CLUL1: variants seen among roughly 807,000 people sequenced by gnomAD.
CLUL1 encodes clusterin-like protein 1.
A neutral mutation model predicts 49.4 loss-of-function variants in CLUL1; 43 were observed. The observed-to-expected ratio is 0.87, with a 90% CI of 0.68 to 1.12. The LOEUF is 1.12. Among genes scored for constraint, CLUL1 ranks in the 50% most tolerant of loss-of-function variants. The pLI is 0.00. For missense variants in CLUL1, 486 were observed against 544.4 expected, an observed-to-expected ratio of 0.89 and a Z score of 1.07; for synonymous variants, 192 against 184.9, an observed-to-expected ratio of 1.04 and a Z score of -0.31.
chr18:626,863 ATAAG>A (rs2073735200), intron 5 of CLUL1, among the ~76,000 whole-genome samples: 1 of 94,016 alleles, frequency 1.1e-5, no homozygotes, highest in Non-Finnish European at 2.3e-5. Flanking sequence ...TCCATCTCAA[ATAAG>A]AAAGAAAGAA....
At chr18:597,559 T>G (rs2072686831) in intron 1 of CLUL1, 1 of 152,102 alleles carries the variant, frequency 6.6e-6, no homozygotes, top group Non-Finnish European at 1.5e-5. Flanking sequence ...AACACAAAAA[T>G]TAGTCGATTG....
chr18:597,337 T>C (rs947262000), intron 1 of CLUL1, among the ~76,000 whole-genome samples: 4 of 152,122 alleles, frequency 2.6e-5, no homozygotes, highest in African/African-American at 9.7e-5. Flanking sequence ...ACTCAGGCAA[T>C]CTCCTGGGCT....
At position 606,613 on chromosome 18, in the gene CLUL1, C is replaced by T. The variant is rs1447442552; in HGVS notation, c.-135-365C>T. On this transcript the variant is annotated intron_variant, in intron 1 of 9. Coordinates refer to ENST00000692774, the MANE Select transcript of CLUL1 (RefSeq NM_001393344.1). The surrounding 1 kb of genome is among the most constrained non-coding windows in gnomAD (Gnocchi z 4.1). ...CTTCCCAGTAATCAAGCCTGGCTTT[C>T]TCACCCAGGGCTCGCCCCAGAACAA... 1.2e-4 allele frequency among the ~76,000 whole-genome samples: 18 copies of T among 152,162 alleles called. No individual in the cohort carries two copies. Among genetic ancestry groups the T allele is most frequent in the Non-Finnish European group, 1.5e-5 (1 of 68,028 alleles).
In CLUL1 at chr18:607,080, A is replaced by G. The variant is rs1439059882; in HGVS notation, c.-33A>G. ...CAAGTGACCCTCCTACCTCAGCCCCATGAGGACCTGGGACTACAGGTATGC... is the reference window on the plus strand; with the variant it reads ...CAAGTGACCCTCCTACCTCAGCCCCGTGAGGACCTGGGACTACAGGTATGC... On this transcript the variant is annotated 5_prime_UTR_variant, in exon 2 of 10. An upstream start codon of the reference 5' UTR is lost. Transcript: ENST00000692774. 2 of 701,846 alleles carry G rather than the reference A, an allele frequency of 2.8e-6. No individual in the cohort carries two copies. The highest frequency in any genetic ancestry group is 2.0e-5 in the Admixed American group (1 of 49,962). 43.5% of individuals were successfully genotyped at this position (701,846 alleles called of 1,614,324 possible).
chr18:639,305 C>T (rs1333907298), intron 7 of CLUL1, among the ~76,000 whole-genome samples: 1 of 151,504 alleles, frequency 6.6e-6, no homozygotes, highest in Admixed American at 6.6e-5. Context: ...GTGGCGCGTG[C>T]CTGTAATCCC....
rs928869651 is a variant in CLUL1, at chr18:606,795, G to T, written c.-135-183G>T. Among the ~76,000 whole-genome samples, 6 of 152,132 alleles carry T rather than the reference G, an allele frequency of 3.9e-5. No individual in the cohort carries two copies. Among genetic ancestry groups the T allele is most frequent in the Admixed American group, 3.3e-4 (5 of 15,278 alleles). ...ACAAACAAAAATAAACGTGAGATAT[G>T]ATTCTCCCGGAGTGTTTAGAGCAGG... On this transcript the variant is annotated intron_variant, in intron 1 of 9. Coordinates refer to ENST00000692774, the MANE Select transcript of CLUL1 (RefSeq NM_001393344.1). The surrounding 1 kb of genome is among the most constrained non-coding windows in gnomAD (Gnocchi z 4.1).
chr18:616,317 G>A (rs480759), intron 2 of CLUL1, among the ~76,000 whole-genome samples: 143,552 of 152,282 alleles, frequency 0.94, 68,237 homozygotes, highest in East Asian at 1. Context: ...AACAAACAAA[G>A]ATGCCACATG....
chr18:620,266 C>T (rs2073450367), intron 4 of CLUL1, among the ~76,000 whole-genome samples: 1 of 152,152 alleles, frequency 6.6e-6, no homozygotes, highest in Admixed American at 6.5e-5. Context: ...TTTCCCTTGT[C>T]ACTTGGCCAA....
In CLUL1 at chr18:627,221, T is replaced by G. The variant is rs762278292; in HGVS notation, c.548T>G (p.Val183Gly). ...GCACAATTGACCCAAATGGAGGATGTGTTCAGCCAGTTGACTGTGGATGTG... is the reference window on the plus strand; with the variant it reads ...GCACAATTGACCCAAATGGAGGATGGGTTCAGCCAGTTGACTGTGGATGTG... ...EDAQLTQMEDVFSQLTVDVNS... is the reference protein window; with the variant it reads ...EDAQLTQMEDGFSQLTVDVNS... Residue 183 changes from valine to glycine, a missense_variant, in exon 6 of 10, where the codon GTG (valine) becomes GGG (glycine). By Grantham distance (109) the Val-to-Gly change is moderately radical. Transcript: ENST00000692774. 2 of 1,614,004 alleles carry G rather than the reference T, an allele frequency of 1.2e-6. No homozygotes were observed. The highest frequency in any genetic ancestry group is 3.3e-5 in the Admixed American group (2 of 59,992).
intron 9 of CLUL1, among the ~76,000 whole-genome samples, chr18:645,572 G>T (rs2074448796): frequency 6.6e-6 from 1 of 151,246 alleles, no homozygotes. Flanking sequence ...GAGGCGGGCG[G>T]ATCACGAGGT....
In CLUL1 at chr18:644,842, G is replaced by T. The variant is rs532294181; in HGVS notation, c.1210-68G>T. 37 of 1,223,848 alleles carry T rather than the reference G, an allele frequency of 3.0e-5. No individual in the cohort carries two copies. The South Asian group carries it at 4.8e-4, about 16-fold the overall frequency. The allele number at this position is 1,223,848 out of a possible 1,614,324, so 75.8% of individuals were successfully genotyped here. A position where few individuals can be genotyped will look rare whatever the true frequency, so the allele number is the denominator to read the frequency against. On this transcript the variant is annotated intron_variant, in intron 8 of 9. Transcript: ENST00000692774. ...AACCCAGCCTATCCTGACTAAGGTG[G>T]TATTAAATTACTATTGAATGTGTAT...
At chr18:636,240 C>A (rs2074132403) in intron 7 of CLUL1, among the ~76,000 whole-genome samples, 2 of 152,070 alleles carry the variant, frequency 1.3e-5, no homozygotes, top group African/African-American at 4.8e-5. Context: ...ATGTCACAAC[C>A]CATCATAAGT....
In CLUL1 at chr18:627,161, A is replaced by C; in HGVS notation, c.488A>C (p.Asp163Ala). 2 of 1,613,242 alleles carry C rather than the reference A, an allele frequency of 1.2e-6. No homozygotes were observed. The highest frequency in any genetic ancestry group is 1.7e-6 in the Non-Finnish European group (2 of 1,179,476). ...CCTTTCCATGAAGATAATGAAAAAGATCTCCCCATCAGTGAAAAGCTCATT... is the reference window on the plus strand; with the variant it reads ...CCTTTCCATGAAGATAATGAAAAAGCTCTCCCCATCAGTGAAAAGCTCATT... ...LFPFHEDNEK[D>A]LPISEKLIEE... is the part of the protein sequence containing the mutation. The change falls in exon 6 of 10, where the codon GAT becomes GCT. Residue 163 changes from aspartate (D) to alanine (A), a missense_variant. Asp to Ala is a moderately radical substitution (Grantham distance 126). Coordinates refer to ENST00000692774, the MANE Select transcript of CLUL1 (RefSeq NM_001393344.1).
chr18:615,499 G>A (rs530155942), intron 2 of CLUL1, among the ~76,000 whole-genome samples: 22 of 152,290 alleles, frequency 1.4e-4, no homozygotes, highest in African/African-American at 4.8e-4. Flanking sequence ...TGTCAAACGG[G>A]CCCAAACTTG....
At chr18:608,143 C>T (rs1245825027) in intron 2 of CLUL1, among the ~76,000 whole-genome samples, 1 of 152,158 alleles carries the variant, frequency 6.6e-6, no homozygotes, top group African/African-American at 2.4e-5. Flanking sequence ...CGTGCTCTCA[C>T]TTCCCTGTCT....
At chr18:649,083 T>C (rs2074600822) in intron 9 of CLUL1, among the ~76,000 whole-genome samples, 2 of 152,212 alleles carry the variant, frequency 1.3e-5, no homozygotes, top group Admixed American at 1.3e-4. Flanking sequence ...TGAATTTCTT[T>C]TTTGTGCACC....
At position 613,229 on chromosome 18, in the gene CLUL1, C is replaced by G. The variant is rs147542655; in HGVS notation, c.-13-4759C>G. ...TCTCAGCTCACTGCAACCTCTACCT[C>G]CCAGGTTCAAGCGATTCTCCTGCCT... On this transcript the variant is annotated intron_variant, in intron 2 of 9. Transcript: ENST00000692774. 1,115 of 465,794 alleles carry G rather than the reference C, an allele frequency of 2.4e-3. 7 individuals carry two copies. Among genetic ancestry groups the G allele is most frequent in the African/African-American group, 0.019 (937 of 49,676 alleles). The allele number at this position is 465,794 out of a possible 1,614,324, so 28.9% of individuals were successfully genotyped here.
chr18:645,183 C>T, intron 9 of CLUL1, 86 bp downstream of exon 9: 1 of 1,016,928 alleles, frequency 9.8e-7, no homozygotes, highest in Non-Finnish European at 1.4e-6. Context: ...TTCCAAATAC[C>T]TGGAAAACAT....
At chr18:625,712 G>C (rs563796307) in intron 5 of CLUL1, among the ~76,000 whole-genome samples, 3 of 152,114 alleles carry the variant, frequency 2.0e-5, no homozygotes, top group African/African-American at 4.8e-5. Flanking sequence ...AATTAAGCTA[G>C]ATTTTTCTCC....
Sources: allele counts gnomAD v4.1 joint callset (sites outside exome capture counted in the v4.1 genomes callset), GRCh38; gene constraint gnomAD v4.1.1; non-coding constraint Gnocchi (gnomAD v3.1); transcripts MANE v1.5; gene names NCBI Gene and HGNC (gene_info 2026-07-23, HGNC 2026-07-21).